Variants in SLC16A7 observed in about 807,000 individuals in gnomAD.
SLC16A7 encodes monocarboxylate transporter 2.
SLC16A7 carries 33 observed loss-of-function variants against 34.9 expected under a neutral mutation model. The observed-to-expected ratio is 0.94, with a 90% CI of 0.72 to 1.26. The LOEUF (loss-of-function observed/expected upper bound fraction) is 1.26, where lower values mean the gene tolerates loss of function less well. Ranked by LOEUF, SLC16A7 falls within the 50% of genes most tolerant of loss-of-function variation. The probability of loss-of-function intolerance (pLI) is 0.00; values close to 1 mark genes in which losing one functional copy is unlikely to be tolerated. For missense variants in SLC16A7, 573 were observed against 578.1 expected, an observed-to-expected ratio of 0.99 and a Z score of 0.09; for synonymous variants, 201 against 206.6, an observed-to-expected ratio of 0.97 and a Z score of 0.23.
chr12:59,674,736 G>T (rs1283597426), intron 2 of SLC16A7, among the ~76,000 whole-genome samples: 1 of 152,128 alleles, frequency 6.6e-6, no homozygotes, highest in Non-Finnish European at 1.5e-5. Context: ...AATAAAAAGG[G>T]CTAAAATTTA....
chr12:59,756,641 C>T (rs1330420692), intron 3 of SLC16A7, among the ~76,000 whole-genome samples: 1 of 146,136 alleles, frequency 6.8e-6, no homozygotes, highest in African/African-American at 2.7e-5. Flanking sequence ...AATAGAAACA[C>T]TTCTACACTG....
At chr12:59,726,361 A>T (rs979953258) in intron 3 of SLC16A7, among the ~76,000 whole-genome samples, 2 of 152,020 alleles carry the variant, frequency 1.3e-5, no homozygotes, top group African/African-American at 2.4e-5. Context: ...TAAAGTTTTT[A>T]GTTGTAGATT....
At chr12:59,763,249 G>C (rs1222735371) in intron 3 of SLC16A7, among the ~76,000 whole-genome samples, 1 of 151,880 alleles carries the variant, frequency 6.6e-6, no homozygotes, top group Non-Finnish European at 1.5e-5. Context: ...TTTCTTTCTT[G>C]GTTTTTCTTG....
At chr12:59,718,490 C>A (rs1336145502) in intron 3 of SLC16A7, among the ~76,000 whole-genome samples, 2 of 152,020 alleles carry the variant, frequency 1.3e-5, no homozygotes, top group Non-Finnish European at 2.9e-5. Context: ...GGAAGATACT[C>A]GATACCTCTC....
At chr12:59,633,795 AC>A (rs1880297717) in intron 1 of SLC16A7, among the ~76,000 whole-genome samples, 1 of 151,924 alleles carries the variant, frequency 6.6e-6, no homozygotes, top group African/African-American at 2.4e-5. Flanking sequence ...ACACTTTAAA[AC>A]CATCAGATCT....
At chr12:59,683,470 A>G (rs1293103571) in intron 2 of SLC16A7, among the ~76,000 whole-genome samples, 1 of 152,200 alleles carries the variant, frequency 6.6e-6, no homozygotes. Context: ...CACATGAACC[A>G]TGATGATCAA....
chr12:59,738,213 T>C (rs1375467561), intron 3 of SLC16A7, among the ~76,000 whole-genome samples: 1 of 152,188 alleles, frequency 6.6e-6, no homozygotes, highest in Non-Finnish European at 1.5e-5. Context: ...GGAGAATTGC[T>C]TTAGCAGTCT....
chr12:59,738,422 A>G (rs1156363786), intron 3 of SLC16A7, among the ~76,000 whole-genome samples: 1 of 152,170 alleles, frequency 6.6e-6, no homozygotes, highest in African/African-American at 2.4e-5. Context: ...CTGGGCTGCT[A>G]TTTCTCATGG....
intron 1 of SLC16A7, among the ~76,000 whole-genome samples, chr12:59,610,177 G>T (rs966040778): frequency 4.6e-5 from 7 of 152,120 alleles, no homozygotes; most frequent in Non-Finnish European, 8.8e-5. Flanking sequence ...GGCAGCAAGA[G>T]AAATATTTAG....
At chr12:59,646,620 C>G (rs1868253928) in intron 1 of SLC16A7, among the ~76,000 whole-genome samples, 2 of 152,146 alleles carry the variant, frequency 1.3e-5, no homozygotes, top group South Asian at 4.2e-4. Context: ...AGAGACCCCA[C>G]AGGGGCATTG....
intron 1 of SLC16A7, among the ~76,000 whole-genome samples, chr12:59,602,426 G>A (rs1260170863): frequency 6.8e-6 from 1 of 148,046 alleles, no homozygotes; most frequent in Non-Finnish European, 1.5e-5. Context: ...TCTCCAGCTC[G>A]CCTTTCACCT....
intron 3 of SLC16A7, chr12:59,733,793 G>GC (rs1182058487): frequency 2.2e-6 from 1 of 456,046 alleles, no homozygotes; most frequent in South Asian, 1.5e-5. Context: ...GCAGAGAGGA[G>GC]CTTCACTGAG....
At chr12:59,696,108 C>A (rs1872257495) in intron 2 of SLC16A7, among the ~76,000 whole-genome samples, 1 of 151,380 alleles carries the variant, frequency 6.6e-6, no homozygotes, top group Non-Finnish European at 1.5e-5. Context: ...TAGTGAATGC[C>A]AATAAGAATT....
At chr12:59,749,947 G>A (rs147358901) in intron 3 of SLC16A7, among the ~76,000 whole-genome samples, 6 of 151,998 alleles carry the variant, frequency 3.9e-5, no homozygotes, top group Non-Finnish European at 8.8e-5. Flanking sequence ...ACACATAGAA[G>A]AAGCAGGGCA....
At chr12:59,729,356 C>T (rs1241533079) in intron 3 of SLC16A7, among the ~76,000 whole-genome samples, 1 of 152,216 alleles carries the variant, frequency 6.6e-6, no homozygotes, top group Non-Finnish European at 1.5e-5. Flanking sequence ...TGACTTCATG[C>T]TTCATGTAAA....
intron 2 of SLC16A7, among the ~76,000 whole-genome samples, chr12:59,676,762 T>C (rs1423847691): frequency 6.6e-6 from 1 of 152,160 alleles, no homozygotes. Context: ...TTGTATCTAC[T>C]AAGTAGGTAA....
At chr12:59,631,662 T>C (rs1379870657) in intron 1 of SLC16A7, among the ~76,000 whole-genome samples, 1 of 151,976 alleles carries the variant, frequency 6.6e-6, no homozygotes, top group African/African-American at 2.4e-5. Context: ...CCAGCATGTA[T>C]TGGATATTTT....
intron 2 of SLC16A7, among the ~76,000 whole-genome samples, chr12:59,662,639 T>C (rs1592448563): frequency 6.6e-6 from 1 of 152,106 alleles, no homozygotes; most frequent in East Asian, 1.9e-4. Context: ...TGTGTTTATC[T>C]CACATCTCAC....
intron 2 of SLC16A7, among the ~76,000 whole-genome samples, chr12:59,663,987 A>G (rs1335212025): frequency 6.6e-6 from 1 of 152,042 alleles, no homozygotes; most frequent in Non-Finnish European, 1.5e-5. Flanking sequence ...AGGAAATCAG[A>G]TATTTCTCAT....
Sources: gnomAD v4.1 joint callset for allele counts (sites outside exome capture counted in the v4.1 genomes callset) on GRCh38, gnomAD v4.1.1 for gene constraint, MANE v1.5 for transcripts, NCBI Gene and HGNC (gene_info 2026-07-23, HGNC 2026-07-21) for gene names.